Variants in DDHD1 observed in about 807,000 individuals in gnomAD.
The protein encoded by DDHD1 is phospholipase DDHD1.
DDHD1 carries 49 observed loss-of-function variants against 96.4 expected under a neutral mutation model. That is an observed-to-expected ratio of 0.51 (90% CI 0.40 to 0.64). DDHD1 has a LOEUF of 0.64. DDHD1 is among the 30% of genes least tolerant of loss of function. The pLI, the probability that DDHD1 is intolerant of heterozygous loss-of-function variation, is 0.00. For synonymous variants in DDHD1, 442 were observed against 446.5 expected (o/e 0.99, Z 0.13); for missense variants, 1,106 against 1,161.2 (o/e 0.95, Z 0.69).
chr14:53,079,626 T>C (rs1030770442), intron 4 of DDHD1, among the ~76,000 whole-genome samples: 6 of 152,244 alleles, frequency 3.9e-5, no homozygotes, highest in African/African-American at 1.2e-4. Flanking sequence ...TCCTTTATTT[T>C]TCATTTTAGT....
At chr14:53,116,829 C>A (rs756788382) in intron 1 of DDHD1, among the ~76,000 whole-genome samples, 6 of 151,994 alleles carry the variant, frequency 3.9e-5, no homozygotes, top group African/African-American at 1.4e-4. Flanking sequence ...GAAGCAAGAG[C>A]AAACAAATTC....
rs1188332435 is a variant in DDHD1, at chr14:53,113,344, TTTTTC to T, written c.839-9493_839-9489del. Reference sequence around the variant, plus strand: ...ATGCATATAGCCATTCTATATTTTCTTTTTCTTTTTTTTTTCTTTTTAAAAAAAAA... The same window carrying T: ...ATGCATATAGCCATTCTATATTTTCTTTTTTTTTTTCTTTTTAAAAAAAAA... On this transcript the variant is annotated intron_variant, in intron 1 of 12. Transcript: ENST00000673822. Among the ~76,000 whole-genome samples the T allele has an allele frequency of 5.4e-5, 8 of 149,282 alleles. No homozygotes were observed. The South Asian group carries it at 1.1e-3, about 20-fold the overall frequency.
At chr14:53,114,787 T>C (rs1380268313) in intron 1 of DDHD1, among the ~76,000 whole-genome samples, 1 of 152,096 alleles carries the variant, frequency 6.6e-6, no homozygotes, top group Non-Finnish European at 1.5e-5. Flanking sequence ...GCAAAAACAC[T>C]GAAAATTCCA....
At position 53,043,885 on chromosome 14, in the gene DDHD1, C is replaced by T. The variant is rs968134617; in HGVS notation, c.*2883G>A. ...AGATTTAATCTAAGTCTTATTCTAA[C>T]GGTTAATAATTCTTGGGAAGCTAAC... On this transcript the variant is annotated 3_prime_UTR_variant, in exon 13 of 13. Coordinates refer to ENST00000673822, the MANE Select transcript of DDHD1 (RefSeq NM_001160148.2). The T allele has an allele frequency of 4.6e-5, 7 of 152,136 alleles. No individual in the cohort carries two copies. Among genetic ancestry groups the T allele is most frequent in the African/African-American group, 7.2e-5 (3 of 41,432 alleles). 9.4% of individuals were successfully genotyped at this position (152,136 alleles called of 1,614,324 possible). A position where few individuals can be genotyped will look rare whatever the true frequency, so the allele number is the denominator to read the frequency against.
chr14:53,111,919 C>T (rs950948910), intron 1 of DDHD1, among the ~76,000 whole-genome samples: 1 of 152,114 alleles, frequency 6.6e-6, no homozygotes, highest in Non-Finnish European at 1.5e-5. Context: ...TAACACTTCC[C>T]TTAGTAAACA....
chr14:53,106,292 A>C (rs1293344898), intron 1 of DDHD1, among the ~76,000 whole-genome samples: 1 of 152,156 alleles, frequency 6.6e-6, no homozygotes. Context: ...TGATACTCTA[A>C]AGACAGGTTG....
chr14:53,070,132 T>C (rs1477549579), intron 6 of DDHD1, among the ~76,000 whole-genome samples: 1 of 152,180 alleles, frequency 6.6e-6, no homozygotes, highest in Non-Finnish European at 1.5e-5. Flanking sequence ...ATATGTGTAT[T>C]TGTATGGTAA....
At chr14:53,144,597 A>G (rs1890853051) in intron 1 of DDHD1, among the ~76,000 whole-genome samples, 2 of 152,312 alleles carry the variant, frequency 1.3e-5, no homozygotes, top group African/African-American at 2.4e-5. Context: ...TAATGTTGAA[A>G]CAGATACCAG....
chr14:53,100,141 T>C (rs1887189884), intron 2 of DDHD1, among the ~76,000 whole-genome samples: 1 of 152,108 alleles, frequency 6.6e-6, no homozygotes, highest in Non-Finnish European at 1.5e-5. Flanking sequence ...TGGCATCACA[T>C]AGTATTAGGT....
chr14:53,062,769 T>C (rs147744864), intron 7 of DDHD1, among the ~76,000 whole-genome samples, 174 bp downstream of exon 7: 1 of 152,302 alleles, frequency 6.6e-6, no homozygotes, highest in Non-Finnish European at 1.5e-5. Flanking sequence ...GGAAAATGCA[T>C]GTAATTAGCA....
intron 6 of DDHD1, among the ~76,000 whole-genome samples, chr14:53,066,267 T>C (rs915909283): frequency 6.6e-6 from 1 of 152,162 alleles, no homozygotes; most frequent in African/African-American, 2.4e-5. Flanking sequence ...TTCTCCTGCC[T>C]CAGCCTCCTG....
chr14:53,063,225 A>T lies in DDHD1; in HGVS notation c.1504-20T>A. On this transcript the variant is annotated intron_variant, in intron 6 of 12. Coordinates refer to ENST00000673822, the MANE Select transcript of DDHD1 (RefSeq NM_001160148.2). ...AACTAGCTGTTTGAAATAAGAAAAC[A>T]TTATCATATTAGACTTGTCACTGAC... is the stretch of plus-strand genomic sequence containing the variant. 1 of 1,606,988 alleles carries T rather than the reference A, an allele frequency of 6.2e-7. No homozygotes were observed.
chr14:53,049,235 C>A (rs1389832259), intron 12 of DDHD1, among the ~76,000 whole-genome samples: 1 of 152,176 alleles, frequency 6.6e-6, no homozygotes, highest in Non-Finnish European at 1.5e-5. Flanking sequence ...AGATTGACTC[C>A]ATCTATCCTT....
At chr14:53,149,161 T>C (rs986437506) in intron 1 of DDHD1, among the ~76,000 whole-genome samples, 4 of 152,210 alleles carry the variant, frequency 2.6e-5, no homozygotes, top group African/African-American at 9.7e-5. Flanking sequence ...CCCAAATTAG[T>C]TCAAATTTTA....
At chr14:53,048,211 G>C (rs2139811239) in intron 12 of DDHD1, among the ~76,000 whole-genome samples, 1 of 152,134 alleles carries the variant, frequency 6.6e-6, no homozygotes, top group South Asian at 2.1e-4. Flanking sequence ...CTTCTTACAA[G>C]GTATGTTCAT....
rs200298114 is a variant in DDHD1 at position 53,118,550 on chromosome 14, GA to G, written c.839-14695del. ...CAATAGCCGATTCAAACAAGTGGAA[GA>G]AAAAATATCAGTGACTGAAGATCAA... On this transcript the variant is annotated intron_variant, in intron 1 of 12. Coordinates refer to ENST00000673822, the MANE Select transcript of DDHD1 (RefSeq NM_001160148.2). Among the ~76,000 whole-genome samples, 1,128 of 152,082 alleles carry G rather than the reference GA, an allele frequency of 7.4e-3. 8 individuals carry two copies. Among genetic ancestry groups the G allele is most frequent in the Non-Finnish European group, 9.0e-3 (609 of 67,986 alleles).
Position 53,046,932 on chromosome 14 carries a change from TC to T in DDHD1, c.2538del (p.Ile847LeufsTer35). 6.2e-7 allele frequency: 1 copy of T among 1,607,096 alleles called. No homozygotes were observed. Among genetic ancestry groups the T allele is most frequent in the Non-Finnish European group, 8.5e-7 (1 of 1,177,192 alleles). The part of the protein sequence containing the change: ...KDNALVELDH[R>X]IDFELREGLV... Reference sequence around the variant, plus strand: ...AGGCCTTCTCTGAGTTCAAAATCAATCCTGTGATCCAACTCCACTAAAAAGA... The same window carrying T: ...AGGCCTTCTCTGAGTTCAAAATCAATCTGTGATCCAACTCCACTAAAAAGA... On this transcript the variant is annotated frameshift_variant, in exon 13 of 13. Transcript: ENST00000673822. LOFTEE classifies it high-confidence loss of function.
chr14:53,132,297 GGCCC>G (rs1889922939), intron 1 of DDHD1, among the ~76,000 whole-genome samples: 1 of 152,078 alleles, frequency 6.6e-6, no homozygotes, highest in Non-Finnish European at 1.5e-5. Context: ...GTTTCAGGCT[GGCCC>G]CCACGTTATT....
intron 1 of DDHD1, among the ~76,000 whole-genome samples, chr14:53,104,743 C>A (rs1887560418): frequency 1.3e-5 from 2 of 151,916 alleles, no homozygotes; most frequent in African/African-American, 4.8e-5. Context: ...ATCTTGAATT[C>A]TTTAAAACAA....
Sources: gnomAD v4.1 joint callset for allele counts (sites outside exome capture counted in the v4.1 genomes callset) on GRCh38, gnomAD v4.1.1 for gene constraint, MANE v1.5 for transcripts, NCBI Gene and HGNC (gene_info 2026-07-23, HGNC 2026-07-21) for gene names.